CD274: variants seen among roughly 807,000 people sequenced by gnomAD.
CD274 encodes the protein programmed cell death 1 ligand 1.
CD274 carries 8 observed loss-of-function variants against 30.1 expected under a neutral mutation model. The ratio of observed to expected loss-of-function variants is 0.27; its 90% CI spans 0.16 to 0.48. The LOEUF (loss-of-function observed/expected upper bound fraction) is 0.48. CD274 is among the 20% of genes least tolerant of loss of function. The pLI, the probability that CD274 is intolerant of heterozygous loss-of-function variation, is 0.99. For synonymous variants in CD274, 152 were observed against 124.6 expected (o/e 1.22, Z -1.46); for missense variants, 353 against 346.6 (o/e 1.02, Z -0.15).
At chr9:5,467,734 T>C in intron 6 of CD274, 106 bp from the exon 7 acceptor site, 1 of 917,630 alleles carries the variant, frequency 1.1e-6, no homozygotes, top group Non-Finnish European at 1.8e-6. Flanking sequence ...TTCAAATTTA[T>C]CATTTATCAT....
rs756183119 is a variant in CD274, at chr9:5,465,485, G to T, written c.683-14G>T. 1 of 1,515,996 alleles carries T rather than the reference G, an allele frequency of 6.6e-7. No individual in the cohort carries two copies. The highest frequency in any genetic ancestry group is 1.4e-5 in the African/African-American group (1 of 72,816). The allele number at this position is 1,515,996 out of a possible 1,614,324, so 93.9% of individuals were successfully genotyped here. Reference sequence around the variant, plus strand: ...TCTTTAGTCAGTTTGTTTTCGTTTTGTTTTGTTTTTCAGAACTACCTCTGG... The same window carrying T: ...TCTTTAGTCAGTTTGTTTTCGTTTTTTTTTGTTTTTCAGAACTACCTCTGG... On this transcript the variant is annotated splice_polypyrimidine_tract_variant and intron_variant, in intron 4 of 6. Coordinates refer to ENST00000381577, the MANE Select transcript of CD274 (RefSeq NM_014143.4).
At chr9:5,466,955 C>T in intron 6 of CD274, 126 bp downstream of exon 6, 1 of 654,532 alleles carries the variant, frequency 1.5e-6, no homozygotes, top group Non-Finnish European at 2.6e-6. Flanking sequence ...CCCTTTGCCT[C>T]ACAGCTAACA....
chr9:5,456,226 A>C, intron 2 of CD274, 61 bp downstream of exon 2: 2 of 1,076,362 alleles, frequency 1.9e-6, no homozygotes. Context: ...ATGAGTTTAA[A>C]ACTAAAATGA....
intron 5 of CD274, chr9:5,465,842 T>A: frequency 3.4e-6 from 1 of 294,454 alleles, no homozygotes; most frequent in Admixed American, 5.2e-5. Flanking sequence ...ATACAGTTTT[T>A]TTCTATCATG....
chr9:5,470,018 T>C lies in CD274; in HGVS notation c.*2156T>C, dbSNP rs917409546. On this transcript the variant is annotated 3_prime_UTR_variant, in exon 7 of 7. Coordinates refer to ENST00000381577, the MANE Select transcript of CD274 (RefSeq NM_014143.4). ...CATTCGTTGTGCTTGAACCCTTGAATGCCACCAGCTGTCATCACTACACAG... is the reference window on the plus strand; with the variant it reads ...CATTCGTTGTGCTTGAACCCTTGAACGCCACCAGCTGTCATCACTACACAG... The C allele has an allele frequency of 3.0e-5, 7 of 233,024 alleles. No homozygotes were observed. The highest frequency in any genetic ancestry group is 5.9e-5 in the Non-Finnish European group (7 of 117,936). 14.4% of individuals were successfully genotyped at this position (233,024 alleles called of 1,614,324 possible).
In CD274 at chr9:5,467,922, A is replaced by T. The variant is rs1819524243; in HGVS notation, c.*60A>T. On this transcript the variant is annotated 3_prime_UTR_variant, in exon 7 of 7. Transcript: ENST00000381577. ...TTCTCAACCTGTGGTTTAGGGGTTC[A>T]TCGGGGCTGAGCGTGACAAGAGGAA... is the stretch of plus-strand genomic sequence containing the variant. 2.1e-6 allele frequency: 3 copies of T among 1,444,020 alleles called. No homozygotes were observed. Among genetic ancestry groups the T allele is most frequent in the Admixed American group, 1.7e-5 (1 of 59,732 alleles). 89.5% of individuals were successfully genotyped at this position (1,444,020 alleles called of 1,614,324 possible). A position where few individuals can be genotyped will look rare whatever the true frequency, so the allele number is the denominator to read the frequency against.
In CD274 at chr9:5,468,758, A is replaced by C. The variant is rs765952534; in HGVS notation, c.*896A>C. ...TACAGCTGAGGAAGCAAACAGATTA[A>C]GTAACTTGCCCAAACCAGTAAATAG... is the stretch of plus-strand genomic sequence containing the variant. On this transcript the variant is annotated 3_prime_UTR_variant, in exon 7 of 7. Transcript: ENST00000381577. 1.7e-5 allele frequency: 4 copies of C among 233,018 alleles called. No homozygotes were observed. Among genetic ancestry groups the C allele is most frequent in the Non-Finnish European group, 2.5e-5 (3 of 117,944 alleles). 14.4% of individuals were successfully genotyped at this position (233,018 alleles called of 1,614,324 possible). A position where few individuals can be genotyped will look rare whatever the true frequency, so the allele number is the denominator to read the frequency against.
chr9:5,458,121 A>G (rs1819340406), intron 3 of CD274, among the ~76,000 whole-genome samples: 2 of 152,216 alleles, frequency 1.3e-5, no homozygotes, highest in Admixed American at 6.5e-5. Context: ...TAGGAGTGTT[A>G]GTTCCTCGGT....
intron 3 of CD274, 59 bp from the exon 4 acceptor site, chr9:5,462,775 G>C (rs1360469139): frequency 6.8e-7 from 1 of 1,478,676 alleles, no homozygotes; most frequent in East Asian, 2.3e-5. Flanking sequence ...ACAGCATCAA[G>C]CTATGTACGT....
rs2131232984 is a variant in CD274, at chr9:5,466,802, C to G, written c.823C>G (p.Gln275Glu). ...RMMDVKKCGI[Q>E]DTNSKKQSDT... ...GATGGATGTGAAAAAATGTGGCATC[C>G]AAGATACAAACTCAAAGAAGCAAAG... The change falls in exon 6 of 7, where the codon CAA becomes GAA. Residue 275 changes from glutamine (Q) to glutamate (E), a missense_variant. Physicochemically the swap from Gln to Glu is conservative, Grantham distance 29. Transcript: ENST00000381577. The G allele has an allele frequency of 6.2e-7, 1 of 1,609,086 alleles. No homozygotes were observed. The highest frequency in any genetic ancestry group is 2.2e-5 in the East Asian group (1 of 44,616).
intron 6 of CD274, among the ~76,000 whole-genome samples, chr9:5,467,453 A>G (rs886215137): frequency 1.3e-5 from 2 of 152,228 alleles, no homozygotes; most frequent in Non-Finnish European, 2.9e-5. Flanking sequence ...ACTAAGAAGA[A>G]AGTTATATTA....
intron 3 of CD274, among the ~76,000 whole-genome samples, chr9:5,458,356 C>A (rs1480074131): frequency 6.6e-6 from 1 of 152,248 alleles, no homozygotes; most frequent in Non-Finnish European, 1.5e-5. Context: ...TCATATCCCA[C>A]AATGGCCTCC....
Position 5,469,825 on chromosome 9 carries a change from C to A in CD274, c.*1963C>A, listed in dbSNP as rs530856538. The A allele has an allele frequency of 4.3e-6, 1 of 233,006 alleles. No homozygotes were observed. Among genetic ancestry groups the A allele is most frequent in the East Asian group, 6.0e-5 (1 of 16,568 alleles). The allele number at this position is 233,006 out of a possible 1,614,324, so 14.4% of individuals were successfully genotyped here. ...ACTGAGTCAATCTAGTCCTAAAAAG[C>A]AATCTTATTATTAACTCTGTATGAC... is the stretch of plus-strand genomic sequence containing the variant. On this transcript the variant is annotated 3_prime_UTR_variant, in exon 7 of 7. Coordinates refer to ENST00000381577, the MANE Select transcript of CD274 (RefSeq NM_014143.4).
chr9:5,459,033 TAGGG>T (rs1563803596), intron 3 of CD274, among the ~76,000 whole-genome samples: 3 of 152,108 alleles, frequency 2.0e-5, no homozygotes, highest in Non-Finnish European at 2.9e-5. Flanking sequence ...AGGGAGTGTG[TAGGG>T]AAGGGACAGC....
intron 3 of CD274, among the ~76,000 whole-genome samples, chr9:5,459,282 C>A (rs1023109057): frequency 6.6e-6 from 1 of 152,182 alleles, no homozygotes; most frequent in African/African-American, 2.4e-5. Context: ...ATTCTACTCC[C>A]AATCCATCTT....
In CD274 at chr9:5,468,932, A is replaced by T. The variant is rs778829951; in HGVS notation, c.*1070A>T. 4.3e-6 allele frequency: 1 copy of T among 233,030 alleles called. No individual in the cohort carries two copies. The highest frequency in any genetic ancestry group is 2.2e-5 in the African/African-American group (1 of 45,336). 14.4% of individuals were successfully genotyped at this position (233,030 alleles called of 1,614,324 possible). A position where few individuals can be genotyped will look rare whatever the true frequency, so the allele number is the denominator to read the frequency against. The stretch of plus-strand genomic sequence containing the variant: ...GGCATTGAATCTACAGATGTGAGCA[A>T]GACAAAGTACCTGTCCTCAAGGAGC... On this transcript the variant is annotated 3_prime_UTR_variant, in exon 7 of 7. Coordinates refer to ENST00000381577, the MANE Select transcript of CD274 (RefSeq NM_014143.4).
rs1819548525 is a variant in CD274, at chr9:5,469,319, C to G, written c.*1457C>G. 2 of 232,518 alleles carry G rather than the reference C, an allele frequency of 8.6e-6. No homozygotes were observed. The highest frequency in any genetic ancestry group is 1.2e-4 in the East Asian group (2 of 16,468). 14.4% of individuals were successfully genotyped at this position (232,518 alleles called of 1,614,324 possible). The stretch of plus-strand genomic sequence containing the variant: ...ATGCCACTAAATTTTAAATTCATAC[C>G]TTTCCATGATTCAAAATTCAAAAGA... On this transcript the variant is annotated 3_prime_UTR_variant, in exon 7 of 7. Coordinates refer to ENST00000381577, the MANE Select transcript of CD274 (RefSeq NM_014143.4).
intron 1 of CD274, among the ~76,000 whole-genome samples, chr9:5,453,733 T>G (rs1319299215): frequency 3.3e-5 from 5 of 152,258 alleles, no homozygotes; most frequent in Non-Finnish European, 5.9e-5. Context: ...AATTGAAAGA[T>G]ATACACTGAA....
At chr9:5,451,207 GTAAAAGTACCATTGTTC>G (rs1236137292) in intron 1 of CD274, among the ~76,000 whole-genome samples, 8 of 152,246 alleles carry the variant, frequency 5.3e-5, no homozygotes, top group Admixed American at 1.3e-4. Context: ...AACACAAGGA[GTAAAAGTACCATTGTTC>G]TACCTCTTTT....
Sources: allele counts gnomAD v4.1 joint callset (sites outside exome capture counted in the v4.1 genomes callset), GRCh38; gene constraint gnomAD v4.1.1; transcripts MANE v1.5; gene names NCBI Gene and HGNC (gene_info 2026-07-23, HGNC 2026-07-21).